The following CYLD variants were observed in gnomAD, a reference collection of about 807,000 sequenced individuals.
CYLD encodes the protein CYLD lysine 63 deubiquitinase, also known as ubiquitin carboxyl-terminal hydrolase CYLD.
Under a neutral mutation model 104.5 loss-of-function variants are expected in CYLD, and 26 were observed. That is an observed-to-expected ratio of 0.25 (90% CI 0.18 to 0.35). The LOEUF (loss-of-function observed/expected upper bound fraction) is 0.35, where lower values mean the gene tolerates loss of function less well. Among genes scored for constraint, CYLD ranks in the 10% least tolerant of loss-of-function variants. The pLI, the probability that CYLD is intolerant of heterozygous loss-of-function variation, is 1.00. For synonymous variants in CYLD, 385 were observed against 399.9 expected, an observed-to-expected ratio of 0.96 and a Z score of 0.45; for missense variants, 703 against 1,136.1, an observed-to-expected ratio of 0.62 and a Z score of 5.48.
chr16:50,787,054 T>C lies in CYLD; in HGVS notation c.2041+108T>C, dbSNP rs751106528. On this transcript the variant is annotated intron_variant, in intron 13 of 18. Coordinates refer to ENST00000427738, the MANE Select transcript of CYLD (RefSeq NM_001378743.1). Reference sequence around the variant, plus strand: ...GTAGTTGGGGGGTTTTCTTTTAAATTAGAAATTTCTTTTTATGTGATATAT... The same window carrying C: ...GTAGTTGGGGGGTTTTCTTTTAAATCAGAAATTTCTTTTTATGTGATATAT... 7.5e-6 allele frequency: 7 copies of C among 932,688 alleles called. No homozygotes were observed. The South Asian group carries it at 8.1e-5, about 11-fold the overall frequency. 57.8% of individuals were successfully genotyped at this position (932,688 alleles called of 1,614,324 possible).
chr16:50,776,388 C>A, intron 7 of CYLD, 111 bp downstream of exon 7: 1 of 816,656 alleles, frequency 1.2e-6, no homozygotes, highest in Non-Finnish European at 2.1e-6. Flanking sequence ...GACTTTTTTT[C>A]TTTCAAACAT....
At chr16:50,751,072 G>A (rs1482764788) in intron 3 of CYLD, among the ~76,000 whole-genome samples, 1 of 152,116 alleles carries the variant, frequency 6.6e-6, no homozygotes, top group Non-Finnish European at 1.5e-5. Flanking sequence ...TTTTTTAAAA[G>A]CAGTGATTGT....
In CYLD at chr16:50,784,655, C is replaced by T; in HGVS notation, c.1949+204C>T. The T allele has an allele frequency of 7.6e-6, 4 of 527,724 alleles. No homozygotes were observed. The South Asian group carries it at 8.2e-5, about 11-fold the overall frequency. The allele number at this position is 527,724 out of a possible 1,614,324, so 32.7% of individuals were successfully genotyped here. A position where few individuals can be genotyped will look rare whatever the true frequency, so the allele number is the denominator to read the frequency against. On this transcript the variant is annotated intron_variant, in intron 12 of 18. Transcript: ENST00000427738. ...TCTTAAATGTGGCCAAGGTGTAGAA[C>T]ATAGCATATTCCATGAAATGATTTA...
intron 5 of CYLD, among the ~76,000 whole-genome samples, chr16:50,755,924 A>T (rs574710278): frequency 6.6e-6 from 1 of 152,132 alleles, no homozygotes; most frequent in Non-Finnish European, 1.5e-5. Flanking sequence ...TTGGTCATGA[A>T]GTCTTTGCTT....
rs181042023 is a variant in CYLD, at chr16:50,767,907, A to G, written c.914-7259A>G. Among the ~76,000 whole-genome samples the G allele has an allele frequency of 9.2e-5, 14 of 152,326 alleles. 2 individuals carry two copies. The highest frequency in any genetic ancestry group is 3.4e-4 in the African/African-American group (14 of 41,586). ...AACCACCCTTTCTATTTTTCCTGGAATATAACCTGACAAGGAATTCTTCAT... is the reference window on the plus strand; with the variant it reads ...AACCACCCTTTCTATTTTTCCTGGAGTATAACCTGACAAGGAATTCTTCAT... On this transcript the variant is annotated intron_variant, in intron 5 of 18. Transcript: ENST00000427738.
chr16:50,786,451 A>G (rs188470575), intron 12 of CYLD: 40 of 180,056 alleles, frequency 2.2e-4, no homozygotes, highest in Middle Eastern at 2.6e-3. Context: ...GATTTATGAC[A>G]TACTGGAGTT....
At chr16:50,743,612 G>A (rs894210630) in intron 2 of CYLD, among the ~76,000 whole-genome samples, 1 of 152,080 alleles carries the variant, frequency 6.6e-6, no homozygotes, top group Non-Finnish European at 1.5e-5. Context: ...TCCAACACAG[G>A]GAGAGAGAAA....
intron 3 of CYLD, among the ~76,000 whole-genome samples, chr16:50,751,277 T>A (rs973203646): frequency 6.6e-6 from 1 of 152,244 alleles, no homozygotes; most frequent in Non-Finnish European, 1.5e-5. Context: ...GCTTAATGAA[T>A]GGAGCTAACA....
chr16:50,765,885 A>G (rs1968456433), intron 5 of CYLD, among the ~76,000 whole-genome samples: 1 of 152,220 alleles, frequency 6.6e-6, no homozygotes, highest in African/African-American at 2.4e-5. Flanking sequence ...CTGCAGAAGA[A>G]AAGTTGGAAG....
intron 6 of CYLD, among the ~76,000 whole-genome samples, chr16:50,775,718 G>A (rs987346929): frequency 1.3e-5 from 2 of 152,104 alleles, no homozygotes; most frequent in Non-Finnish European, 2.9e-5. Flanking sequence ...CATATTAAAG[G>A]CTCTGGTTCC....
intron 18 of CYLD, chr16:50,795,558 A>G (rs1251192720): frequency 1.4e-6 from 1 of 702,964 alleles, no homozygotes; most frequent in South Asian, 1.5e-5. Flanking sequence ...CTGCTCTCTC[A>G]GATCCAGCCC....
At chr16:50,770,213 C>A (rs369089636) in intron 5 of CYLD, among the ~76,000 whole-genome samples, 1 of 152,088 alleles carries the variant, frequency 6.6e-6, no homozygotes, top group African/African-American at 2.4e-5. Context: ...CTTAAGAAAC[C>A]GCTAAACTGT....
At chr16:50,778,826 T>C (rs1969935936) in intron 8 of CYLD, among the ~76,000 whole-genome samples, 1 of 152,086 alleles carries the variant, frequency 6.6e-6, no homozygotes, top group Non-Finnish European at 1.5e-5. Flanking sequence ...TCATGTAAAG[T>C]ATGAGTAGGA....
chr16:50,744,175 G>A (rs986252702), intron 2 of CYLD, among the ~76,000 whole-genome samples: 1 of 151,914 alleles, frequency 6.6e-6, no homozygotes, highest in African/African-American at 2.4e-5. Flanking sequence ...ATATGCAGAT[G>A]TGAGAGGCTC....
intron 5 of CYLD, among the ~76,000 whole-genome samples, chr16:50,754,847 G>A (rs922325562): frequency 6.8e-6 from 1 of 148,044 alleles, no homozygotes; most frequent in African/African-American, 2.6e-5. Flanking sequence ...ATTCCATGGT[G>A]TATGTATATA....
intron 5 of CYLD, among the ~76,000 whole-genome samples, chr16:50,759,252 CT>C (rs1967638884): frequency 6.6e-6 from 1 of 151,916 alleles, no homozygotes; most frequent in South Asian, 2.1e-4. Context: ...AAAAAAGAAA[CT>C]TTTTACTGTA....
intron 2 of CYLD, among the ~76,000 whole-genome samples, chr16:50,745,408 C>T (rs975618687): frequency 2.3e-5 from 3 of 132,362 alleles, no homozygotes; most frequent in African/African-American, 6.0e-5. Context: ...TGCTCTGTCA[C>T]CCAGGCTGGA....
At chr16:50,750,291 A>G in intron 3 of CYLD, 89 bp downstream of exon 3, 1 of 1,438,766 alleles carries the variant, frequency 7.0e-7, no homozygotes, top group South Asian at 1.2e-5. Context: ...TTTCTCCTTA[A>G]ATACGAAATA....
chr16:50,754,183 A>G (rs1430809494), intron 4 of CYLD, 136 bp from the exon 5 acceptor site: 7 of 682,900 alleles, frequency 1.0e-5, no homozygotes, highest in Non-Finnish European at 1.8e-5. Flanking sequence ...TTCCTAATGT[A>G]TTCTTTCTTT....
Sources: gnomAD v4.1 joint callset for allele counts (sites outside exome capture counted in the v4.1 genomes callset) on GRCh38, gnomAD v4.1.1 for gene constraint, MANE v1.5 for transcripts, NCBI Gene and HGNC (gene_info 2026-07-23, HGNC 2026-07-21) for gene names.